Variants in ZNF365 observed in about 807,000 individuals in gnomAD.
ZNF365 encodes protein ZNF365.
Under a neutral mutation model 35.0 loss-of-function variants are expected in ZNF365, and 22 were observed. The ratio of observed to expected loss-of-function variants is 0.63; its 90% CI spans 0.45 to 0.90. ZNF365 has a LOEUF of 0.90. Among genes scored for constraint, ZNF365 ranks in the 40% least tolerant of loss-of-function variants. The pLI, the probability that ZNF365 is intolerant of heterozygous loss-of-function variation, is 0.00. For synonymous variants in ZNF365, 188 were observed against 196.2 expected, an observed-to-expected ratio of 0.96 and a Z score of 0.35; for missense variants, 448 against 500.3, an observed-to-expected ratio of 0.90 and a Z score of 1.00.
At chr10:62,478,341 G>C (rs1271189540) in intron 4 of ZNF365, among the ~76,000 whole-genome samples, 1 of 152,204 alleles carries the variant, frequency 6.6e-6, no homozygotes, top group Non-Finnish European at 1.5e-5. Context: ...ATCTCAGAGA[G>C]GGAAGGATTG....
At chr10:62,454,430 A>C (rs1030189751) in intron 3 of ZNF365, among the ~76,000 whole-genome samples, 5 of 152,220 alleles carry the variant, frequency 3.3e-5, no homozygotes, top group Admixed American at 6.5e-5. Flanking sequence ...ACCTTTGGAC[A>C]CTGGGAACTA....
chr10:62,463,100 G>A (rs1840874932), intron 4 of ZNF365, among the ~76,000 whole-genome samples: 1 of 152,138 alleles, frequency 6.6e-6, no homozygotes. Flanking sequence ...ACATCAAAGT[G>A]CACACATTGA....
intron 3 of ZNF365, among the ~76,000 whole-genome samples, chr10:62,429,243 C>G (rs1434383933): frequency 6.6e-6 from 1 of 152,236 alleles, no homozygotes; most frequent in East Asian, 1.9e-4. Context: ...ATGCCCTAAT[C>G]TCAGCCTTGA....
At chr10:62,388,939 G>T (rs1200288717) in intron 3 of ZNF365, among the ~76,000 whole-genome samples, 1 of 152,106 alleles carries the variant, frequency 6.6e-6, no homozygotes, top group Non-Finnish European at 1.5e-5. Flanking sequence ...TGTTTTGGAG[G>T]TCTTCAAGAG....
chr10:62,398,860 C>G, intron 4 of ZNF365, 83 bp downstream of exon 4: 1 of 1,308,854 alleles, frequency 7.6e-7, no homozygotes, highest in Middle Eastern at 2.1e-4. Context: ...GAGATCGTAT[C>G]TATTTTATAT....
intron 3 of ZNF365, among the ~76,000 whole-genome samples, chr10:62,426,251 T>G (rs938568235): frequency 6.6e-6 from 1 of 152,096 alleles, no homozygotes; most frequent in Non-Finnish European, 1.5e-5. Context: ...TACCTACAGC[T>G]TTGATCAGTG....
Position 62,399,951 on chromosome 10 carries a change from G to A in ZNF365, c.*162G>A, listed in dbSNP as rs1039094509. ...TCAATTAACCAGAGCTTAGCAAATG[G>A]GAATCTTAGTGAACCAGAATTTTAT... On this transcript the variant is annotated 3_prime_UTR_variant, in exon 5 of 5. Coordinates refer to ENST00000395254, the MANE Select transcript of ZNF365 (RefSeq NM_014951.3). 21 of 1,346,840 alleles carry A rather than the reference G, an allele frequency of 1.6e-5. No homozygotes were observed. The highest frequency in any genetic ancestry group is 6.2e-5 in the Admixed American group (2 of 32,128). 83.4% of individuals were successfully genotyped at this position (1,346,840 alleles called of 1,614,324 possible).
chr10:62,389,560 T>A (rs1839590613), intron 3 of ZNF365, among the ~76,000 whole-genome samples: 3 of 152,190 alleles, frequency 2.0e-5, no homozygotes, highest in Non-Finnish European at 2.9e-5. Flanking sequence ...TTTAAAAGTT[T>A]ACTTAGAGCT....
chr10:62,433,933 GA>G (rs769878227), intron 3 of ZNF365, among the ~76,000 whole-genome samples: 47 of 152,150 alleles, frequency 3.1e-4, no homozygotes, highest in Non-Finnish European at 2.6e-4. Flanking sequence ...CCAGGTCCAG[GA>G]ACTGAAGATT....
At chr10:62,469,971 C>T (rs1564602291) in intron 4 of ZNF365, among the ~76,000 whole-genome samples, 1 of 152,132 alleles carries the variant, frequency 6.6e-6, no homozygotes, top group Non-Finnish European at 1.5e-5. Flanking sequence ...CTTCTATTGT[C>T]TTTTAATGTG....
At chr10:62,456,429 T>TC (rs1347024044) in intron 3 of ZNF365, among the ~76,000 whole-genome samples, 1 of 152,138 alleles carries the variant, frequency 6.6e-6, no homozygotes, top group Non-Finnish European at 1.5e-5. Context: ...TGTACGCCAC[T>TC]CCCCCACCCC....
chr10:62,437,523 G>A (rs928031794), intron 3 of ZNF365, among the ~76,000 whole-genome samples: 4 of 152,084 alleles, frequency 2.6e-5, no homozygotes, highest in Admixed American at 1.3e-4. Flanking sequence ...TTGTAATGAC[G>A]GAAGCAGACA....
chr10:62,400,855 G>A lies in ZNF365; in HGVS notation c.*1066G>A. On this transcript the variant is annotated 3_prime_UTR_variant, in exon 5 of 5. Transcript: ENST00000395254. The stretch of plus-strand genomic sequence containing the variant: ...TCAGGTATCTTTCAACCAAGTATCT[G>A]GAGTGTTCACTCTATGTTGCATTCT... 1 of 985,438 alleles carries A rather than the reference G, an allele frequency of 1.0e-6. No individual in the cohort carries two copies. 61.0% of individuals were successfully genotyped at this position (985,438 alleles called of 1,614,324 possible). A position where few individuals can be genotyped will look rare whatever the true frequency, so the allele number is the denominator to read the frequency against.
intron 3 of ZNF365, among the ~76,000 whole-genome samples, chr10:62,453,312 G>A (rs1840712683): frequency 2.0e-5 from 3 of 152,108 alleles, no homozygotes; most frequent in African/African-American, 7.2e-5. Flanking sequence ...AGTCGCCAGT[G>A]CCTATCATTC....
chr10:62,479,782 C>A, intron 4 of ZNF365: 1 of 860,992 alleles, frequency 1.2e-6, no homozygotes. Flanking sequence ...TTGCCAGGAC[C>A]CATGGTTGAA....
intron 3 of ZNF365, among the ~76,000 whole-genome samples, chr10:62,408,019 C>A (rs1273263525): frequency 6.6e-6 from 1 of 152,152 alleles, no homozygotes; most frequent in Non-Finnish European, 1.5e-5. Context: ...AATGAGTATA[C>A]CAGCTAGTCA....
intron 2 of ZNF365, among the ~76,000 whole-genome samples, 189 bp from the exon 3 acceptor site, chr10:62,388,206 AC>A (rs1839555788): frequency 6.6e-6 from 1 of 152,168 alleles, no homozygotes; most frequent in Non-Finnish European, 1.5e-5. Flanking sequence ...TTTTATAGTG[AC>A]TATCTTCCTC....
At chr10:62,380,342 G>A (rs1379879544) in intron 2 of ZNF365, among the ~76,000 whole-genome samples, 1 of 152,202 alleles carries the variant, frequency 6.6e-6, no homozygotes, top group Non-Finnish European at 1.5e-5. Context: ...TTAATGAGAA[G>A]TAAATATATT....
intron 4 of ZNF365, among the ~76,000 whole-genome samples, chr10:62,472,136 G>A (rs1955332): frequency 0.45 from 67,761 of 152,032 alleles, 15,496 homozygotes; most frequent in African/African-American, 0.54. Flanking sequence ...TACATTTACC[G>A]TTTTCCAAGT....
Sources: allele counts gnomAD v4.1 joint callset (sites outside exome capture counted in the v4.1 genomes callset), GRCh38; gene constraint gnomAD v4.1.1; transcripts MANE v1.5; gene names NCBI Gene and HGNC (gene_info 2026-07-23, HGNC 2026-07-21).